The following TMEM154 variants were observed in gnomAD, a reference collection of about 807,000 sequenced individuals.
TMEM154 encodes the protein transmembrane protein 154.
Under a neutral mutation model 24.5 loss-of-function variants are expected in TMEM154, and 27 were observed. The ratio of observed to expected loss-of-function variants is 1.10; its 90% CI spans 0.81 to 1.52. The LOEUF (loss-of-function observed/expected upper bound fraction) is 1.52, where lower values mean the gene tolerates loss of function less well. TMEM154 is among the 40% of genes most tolerant of loss of function. TMEM154 has a pLI of 0.00. For missense variants in TMEM154, 228 were observed against 213.4 expected, an observed-to-expected ratio of 1.07 and a Z score of -0.43; for synonymous variants, 67 against 76.8, an observed-to-expected ratio of 0.87 and a Z score of 0.67.
At chr4:152,671,004 C>T (rs1454313822) in intron 1 of TMEM154, among the ~76,000 whole-genome samples, 5 of 152,110 alleles carry the variant, frequency 3.3e-5, no homozygotes, top group Non-Finnish European at 7.3e-5. Flanking sequence ...TATACAAAGT[C>T]TCATGAGTAC....
intron 1 of TMEM154, among the ~76,000 whole-genome samples, chr4:152,673,420 C>T (rs1728886996): frequency 6.6e-6 from 1 of 152,166 alleles, no homozygotes; most frequent in South Asian, 2.1e-4. Context: ...CCTGCCTTAG[C>T]CTCCCGAGTA....
At chr4:152,653,476 A>C (rs1579523974) in intron 1 of TMEM154, among the ~76,000 whole-genome samples, 1 of 145,254 alleles carries the variant, frequency 6.9e-6, no homozygotes, top group Non-Finnish European at 1.5e-5. Context: ...TGCAACCTCC[A>C]CCTCCTGGGT....
rs1441611114 is a variant in TMEM154, at chr4:152,620,258, T to C, written c.*8288A>G. ...CATATGCTGTTTATGTCAGCTCTAG[T>C]AAGTGGGAACTTTATTTTTTCACCT... On this transcript the variant is annotated 3_prime_UTR_variant, in exon 7 of 7. Coordinates refer to ENST00000304385, the MANE Select transcript of TMEM154 (RefSeq NM_152680.3). 2.0e-5 allele frequency: 3 copies of C among 152,258 alleles called. No individual in the cohort carries two copies. The highest frequency in any genetic ancestry group is 7.2e-5 in the African/African-American group (3 of 41,462). 9.4% of individuals were successfully genotyped at this position (152,258 alleles called of 1,614,324 possible). A position where few individuals can be genotyped will look rare whatever the true frequency, so the allele number is the denominator to read the frequency against.
rs572598014 is a variant in TMEM154, at chr4:152,628,090, C to T, written c.*456G>A. On this transcript the variant is annotated 3_prime_UTR_variant, in exon 7 of 7. Transcript: ENST00000304385. The stretch of plus-strand genomic sequence containing the variant: ...TGCTGAATGTAGTTTACCTGTCCCA[C>T]GACTTGAATAATCAGAGGAAATTAT... 2.5e-4 allele frequency: 43 copies of T among 169,312 alleles called. No homozygotes were observed. Among genetic ancestry groups the T allele is most frequent in the Non-Finnish European group, 4.1e-4 (32 of 78,196 alleles). 10.5% of individuals were successfully genotyped at this position (169,312 alleles called of 1,614,324 possible).
At chr4:152,639,035 C>G (rs1352793631) in intron 6 of TMEM154, among the ~76,000 whole-genome samples, 3 of 152,236 alleles carry the variant, frequency 2.0e-5, no homozygotes, top group Admixed American at 6.5e-5. Context: ...ACTGCAATCT[C>G]CGCCTTCCCA....
intron 6 of TMEM154, among the ~76,000 whole-genome samples, chr4:152,638,583 C>T (rs34330131): frequency 0.11 from 16,418 of 152,210 alleles, 1,176 homozygotes; most frequent in African/African-American, 0.2. Context: ...TACATCAGTC[C>T]TAACTTCCTA....
At chr4:152,633,295 C>G (rs918266210) in intron 6 of TMEM154, among the ~76,000 whole-genome samples, 1 of 152,212 alleles carries the variant, frequency 6.6e-6, no homozygotes, top group East Asian at 1.9e-4. Flanking sequence ...CAGGCCACTC[C>G]CAGAGTGTAG....
chr4:152,637,244 G>T (rs1456520355), intron 6 of TMEM154, among the ~76,000 whole-genome samples: 1 of 152,166 alleles, frequency 6.6e-6, no homozygotes, highest in African/African-American at 2.4e-5. Context: ...CACTTGCGTG[G>T]TGCTTTAAAA....
At chr4:152,659,902 T>C (rs941291272) in intron 1 of TMEM154, among the ~76,000 whole-genome samples, 2 of 152,154 alleles carry the variant, frequency 1.3e-5, no homozygotes, top group African/African-American at 4.8e-5. Context: ...ATTACAACAA[T>C]ATACTATAAT....
intron 6 of TMEM154, among the ~76,000 whole-genome samples, chr4:152,639,974 AG>A (rs1752226392): frequency 6.6e-6 from 1 of 152,216 alleles, no homozygotes. Context: ...AGTGAGGTTT[AG>A]GGGGGAGACG....
intron 6 of TMEM154, among the ~76,000 whole-genome samples, chr4:152,635,097 T>A (rs1752123151): frequency 6.6e-6 from 1 of 152,108 alleles, no homozygotes; most frequent in African/African-American, 2.4e-5. Flanking sequence ...TTAGAAGTGG[T>A]CACAAAGATT....
chr4:152,644,347 G>C, intron 4 of TMEM154, 68 bp downstream of exon 4: 1 of 1,547,442 alleles, frequency 6.5e-7, no homozygotes, highest in East Asian at 2.2e-5. Flanking sequence ...CACCTGAAAA[G>C]GCAGCTGTCC....
At chr4:152,668,368 A>G (rs1446934315) in intron 1 of TMEM154, 1 of 152,032 alleles carries the variant, frequency 6.6e-6, no homozygotes, top group Non-Finnish European at 1.5e-5. Flanking sequence ...CTATATTTCT[A>G]CTTATTTTAT....
chr4:152,653,635 C>A (rs995297794), intron 1 of TMEM154, among the ~76,000 whole-genome samples: 1 of 151,800 alleles, frequency 6.6e-6, no homozygotes, highest in Non-Finnish European at 1.5e-5. Flanking sequence ...AGTGATCCAC[C>A]CGCCTCAGCC....
intron 3 of TMEM154, among the ~76,000 whole-genome samples, chr4:152,646,187 C>T (rs946210543): frequency 6.6e-6 from 1 of 152,098 alleles, no homozygotes; most frequent in Non-Finnish European, 1.5e-5. Flanking sequence ...GGCTGCATGG[C>T]CCCACCGTTG....
At chr4:152,670,488 C>T (rs1196679142) in intron 1 of TMEM154, among the ~76,000 whole-genome samples, 4 of 152,104 alleles carry the variant, frequency 2.6e-5, no homozygotes, top group Admixed American at 6.6e-5. Flanking sequence ...CCCAGCTACT[C>T]GGGAGGCTGA....
At chr4:152,646,807 T>C in intron 3 of TMEM154, 7 of 602,858 alleles carry the variant, frequency 1.2e-5, no homozygotes, top group Non-Finnish European at 2.1e-5. Context: ...TCTGGCTTCC[T>C]TTTCTTGTTT....
rs183535203 is a variant in TMEM154 at position 152,642,170 on chromosome 4, C to T, written c.478+918G>A. ...CTGACCTCAGGTTATCCACCCGCCT[C>T]GGCCTCCAAAAGTGCTGGGATTATA... On this transcript the variant is annotated intron_variant, in intron 5 of 6. Coordinates refer to ENST00000304385, the MANE Select transcript of TMEM154 (RefSeq NM_152680.3). 6.1e-3 allele frequency among the ~76,000 whole-genome samples: 930 copies of T among 151,958 alleles called. 15 individuals are homozygous for T. Among genetic ancestry groups the T allele is most frequent in the African/African-American group, 0.022 (892 of 41,436 alleles).
intron 6 of TMEM154, among the ~76,000 whole-genome samples, chr4:152,633,762 C>G (rs1010197624): frequency 2.0e-5 from 3 of 151,984 alleles, no homozygotes; most frequent in Non-Finnish European, 4.4e-5. Flanking sequence ...CCACTTGAGC[C>G]CATGAGTTCG....
Sources: allele counts gnomAD v4.1 joint callset (sites outside exome capture counted in the v4.1 genomes callset), GRCh38; gene constraint gnomAD v4.1.1; transcripts MANE v1.5; gene names NCBI Gene and HGNC (gene_info 2026-07-23, HGNC 2026-07-21).